DMD: variants seen among roughly 807,000 people sequenced by gnomAD.
DMD encodes mutant dystrophin.
In DMD, 63 loss-of-function variants were observed where a neutral mutation model predicts 330.1. The ratio of observed to expected loss-of-function variants is 0.19; its 90% CI spans 0.16 to 0.24. DMD has a LOEUF of 0.24. DMD is among the 10% of genes least tolerant of loss of function. The pLI, the probability that DMD is intolerant of heterozygous loss-of-function variation, is 1.00. For missense variants in DMD, 3,344 were observed against 2,684.1 expected (o/e 1.25, Z -5.43); for synonymous variants, 1,223 against 959.8 (o/e 1.27, Z -5.07).
At chrX:32,879,284 G>C (rs1466121277) in intron 2 of DMD, among the ~76,000 whole-genome samples, 3 of 111,323 alleles carry the variant, frequency 2.7e-5, no homozygotes, top group Non-Finnish European at 5.7e-5. Context: ...TTGGGCCGCT[G>C]GGAAGCCTGT....
At chrX:32,846,224 T>A (rs980711962) in intron 3 of DMD, among the ~76,000 whole-genome samples, 3 of 111,823 alleles carry the variant, frequency 2.7e-5, no homozygotes, top group African/African-American at 9.8e-5. Flanking sequence ...GAAGTGAACC[T>A]CAGGTTAAAA....
chrX:31,600,009 C>T (rs746776333), intron 55 of DMD, among the ~76,000 whole-genome samples: 1 of 111,547 alleles, frequency 9.0e-6, no homozygotes, highest in East Asian at 2.8e-4. Flanking sequence ...TGGCTCACTG[C>T]AGCCTCGACT....
Position 31,177,824 on chromosome X carries a change from TAAAAC to T in DMD, c.10262+103_10262+107del, listed in dbSNP as rs766042645. 12 of 768,775 alleles carry T rather than the reference TAAAAC, an allele frequency of 1.6e-5. No individual in the cohort carries two copies. In the African/African-American group the frequency reaches 1.7e-4, roughly 11 times the overall value. The allele number at this position is 768,775 out of a possible 1,213,427, so 63.4% of individuals were successfully genotyped here. On this transcript the variant is annotated intron_variant, in intron 71 of 78. Coordinates refer to ENST00000357033, the MANE Select transcript of DMD (RefSeq NM_004006.3). The stretch of plus-strand genomic sequence containing the variant: ...GAAGGAAGGGGAATTAATATGTCCA[TAAAAC>T]AAAACAAAACAAAAGAAAACAAACA...
At position 32,237,857 on chromosome X, in the gene DMD, T is replaced by A. The variant is rs1286994240; in HGVS notation, c.6291-20794A>T. Among the ~76,000 whole-genome samples the A allele has an allele frequency of 4.5e-5, 5 of 112,043 alleles. No homozygotes were observed. In the East Asian group the frequency reaches 1.4e-3, roughly 32 times the overall value. ...ACCCTTGACTGACTTGTGTTGGATA[T>A]GTTGCAAAGATACAAAATCAACCTT... On this transcript the variant is annotated intron_variant, in intron 43 of 78. Coordinates refer to ENST00000357033, the MANE Select transcript of DMD (RefSeq NM_004006.3).
chrX:32,879,494 T>G (rs1389100803), intron 2 of DMD, among the ~76,000 whole-genome samples: 1 of 112,316 alleles, frequency 8.9e-6, no homozygotes, highest in Non-Finnish European at 1.9e-5. Flanking sequence ...AAGATCACCA[T>G]TAATATTTGT....
chrX:33,030,183 C>T (rs1261221339), intron 1 of DMD, among the ~76,000 whole-genome samples: 1 of 111,595 alleles, frequency 9.0e-6, no homozygotes, highest in African/African-American at 3.3e-5. Context: ...ATCTTTACTT[C>T]CAAATATATT....
chrX:31,290,367 T>C (rs1226195026), intron 62 of DMD, among the ~76,000 whole-genome samples: 3 of 111,763 alleles, frequency 2.7e-5, no homozygotes, highest in Non-Finnish European at 5.6e-5. Flanking sequence ...AAGATTACCT[T>C]AAGTACATAT....
rs193208249 is a variant in DMD, at chrX:32,233,654, C to T, written c.6291-16591G>A. Among the ~76,000 whole-genome samples, 6 of 92,138 alleles carry T rather than the reference C, an allele frequency of 6.5e-5. No homozygotes were observed. In the East Asian group the frequency reaches 1.0e-3, roughly 16 times the overall value. 80.0% of individuals were successfully genotyped at this position (92,138 alleles called of 115,157 possible). Reference sequence around the variant, plus strand: ...TTATTTATTTATTTATTTATTGAGACGGAGCTTCGCTCTTGTTGCCCCAGC... The same window carrying T: ...TTATTTATTTATTTATTTATTGAGATGGAGCTTCGCTCTTGTTGCCCCAGC... On this transcript the variant is annotated intron_variant, in intron 43 of 78. Transcript: ENST00000357033.
intron 21 of DMD, among the ~76,000 whole-genome samples, chrX:32,480,794 T>A (rs185942847): frequency 9.0e-6 from 1 of 110,532 alleles, no homozygotes; most frequent in African/African-American, 3.3e-5. Flanking sequence ...ATAGCTTGCT[T>A]AAATAAACAT....
At chrX:31,691,269 T>TA (rs1365959439) in intron 52 of DMD, among the ~76,000 whole-genome samples, 1 of 111,076 alleles carries the variant, frequency 9.0e-6, no homozygotes, top group African/African-American at 3.3e-5. Context: ...AGCACAAACT[T>TA]ATAATACATA....
intron 44 of DMD, among the ~76,000 whole-genome samples, chrX:32,188,500 C>G (rs1164260594): frequency 2.9e-5 from 3 of 103,396 alleles, no homozygotes; most frequent in Non-Finnish European, 5.9e-5. Context: ...CATGAATAGT[C>G]AATTACGAGA....
At chrX:32,555,945 G>A (rs1267235684) in intron 16 of DMD, among the ~76,000 whole-genome samples, 1 of 111,720 alleles carries the variant, frequency 9.0e-6, no homozygotes, top group Non-Finnish European at 1.9e-5. Flanking sequence ...AAAAGCAACT[G>A]CAACAAAAGC....
At chrX:31,396,548 G>GTT (rs56745544) in intron 60 of DMD, among the ~76,000 whole-genome samples, 53 of 66,037 alleles carry the variant, frequency 8.0e-4, no homozygotes, top group East Asian at 1.2e-3. Context: ...AAATCCCAGG[G>GTT]TTTTTTTTTT....
intron 2 of DMD, among the ~76,000 whole-genome samples, chrX:33,008,572 T>C (rs1464808545): frequency 9.1e-6 from 1 of 109,932 alleles, no homozygotes; most frequent in Non-Finnish European, 1.9e-5. Context: ...AAGAAAAATA[T>C]ATAGTAGCCC....
At chrX:31,241,576 T>C (rs1210305832) in intron 63 of DMD, among the ~76,000 whole-genome samples, 1 of 111,848 alleles carries the variant, frequency 8.9e-6, no homozygotes, top group African/African-American at 3.3e-5. Context: ...CCATTCTCTG[T>C]GTCACCACGC....
chrX:32,597,220 G>A (rs950112228), intron 12 of DMD, among the ~76,000 whole-genome samples: 2 of 111,600 alleles, frequency 1.8e-5, no homozygotes, highest in African/African-American at 6.5e-5. Context: ...TTGCTCCCTA[G>A]TAATTCACCA....
intron 44 of DMD, among the ~76,000 whole-genome samples, chrX:32,126,095 G>A (rs1328733633): frequency 1.8e-5 from 2 of 111,994 alleles, no homozygotes; most frequent in African/African-American, 6.5e-5. Context: ...GAGGTAGCAG[G>A]AGGAAAGTGA....
At chrX:31,904,783 A>G (rs1329845841) in intron 47 of DMD, among the ~76,000 whole-genome samples, 2 of 111,627 alleles carry the variant, frequency 1.8e-5, no homozygotes, top group Admixed American at 9.6e-5. Context: ...GAGACCCCGA[A>G]GCAAAGAATA....
At chrX:32,490,149 C>A (rs1272894528) in intron 20 of DMD, among the ~76,000 whole-genome samples, 2 of 111,382 alleles carry the variant, frequency 1.8e-5, no homozygotes, top group African/African-American at 6.5e-5. Flanking sequence ...TCTATTCTAC[C>A]TTTATTTAAG....
Sources: gnomAD v4.1 joint callset for allele counts (sites outside exome capture counted in the v4.1 genomes callset) on GRCh38, gnomAD v4.1.1 for gene constraint, MANE v1.5 for transcripts, NCBI Gene and HGNC (gene_info 2026-07-23, HGNC 2026-07-21) for gene names.